The following CTNNA2 variants were observed in gnomAD, a reference collection of about 807,000 sequenced individuals.
CTNNA2 encodes the protein catenin alpha-2.
Under a neutral mutation model 101.0 loss-of-function variants are expected in CTNNA2, and 42 were observed. The observed-to-expected ratio is 0.42, with a 90% confidence interval of 0.32 to 0.54. The LOEUF (loss-of-function observed/expected upper bound fraction) is 0.54. Ranked by LOEUF, CTNNA2 falls within the 20% of genes least tolerant of loss-of-function variation. CTNNA2 has a pLI of 0.14. For missense variants in CTNNA2, 871 were observed against 1,223.1 expected, an observed-to-expected ratio of 0.71 and a Z score of 4.29; for synonymous variants, 450 against 456.4, an observed-to-expected ratio of 0.99 and a Z score of 0.18.
chr2:79,273,505 A>T (rs1243685868), intron 2 of CTNNA2, among the ~76,000 whole-genome samples: 2 of 152,034 alleles, frequency 1.3e-5, no homozygotes, highest in Non-Finnish European at 2.9e-5. Context: ...TGGTATTTCC[A>T]CTTAGAAAGT....
intron 7 of CTNNA2, among the ~76,000 whole-genome samples, chr2:80,081,828 A>G (rs1227107651): frequency 6.6e-6 from 1 of 151,914 alleles, no homozygotes; most frequent in African/African-American, 2.4e-5. Context: ...AAAACCAACA[A>G]CATAGCCAAG....
At chr2:79,571,512 A>G (rs1675458302) in intron 1 of CTNNA2, among the ~76,000 whole-genome samples, 1 of 152,124 alleles carries the variant, frequency 6.6e-6, no homozygotes, top group Non-Finnish European at 1.5e-5. Flanking sequence ...CAGCTTTTAA[A>G]CTGATATTGA....
intron 7 of CTNNA2, among the ~76,000 whole-genome samples, chr2:80,279,168 C>T (rs1430193721): frequency 6.6e-6 from 1 of 151,388 alleles, no homozygotes; most frequent in Non-Finnish European, 1.5e-5. Flanking sequence ...CCTGGAGAAA[C>T]ATTCCTGAGG....
intron 7 of CTNNA2, among the ~76,000 whole-genome samples, chr2:80,044,087 A>G (rs142370706): frequency 1.3e-5 from 2 of 152,342 alleles, no homozygotes; most frequent in African/African-American, 2.4e-5. Context: ...TCACAAAGTA[A>G]CAGGATTTCT....
rs147474979 is a variant in CTNNA2 at position 80,092,454 on chromosome 2, G to A, written c.1056+182657G>A. ...TTCCCATGTTCTCAAGCTTTCCCTT[G>A]AGAATGCGGTTTAAGAATCTGGGTG... On this transcript the variant is annotated intron_variant, in intron 7 of 18. Coordinates refer to ENST00000402739, the MANE Select transcript of CTNNA2 (RefSeq NM_001282597.3). Among the ~76,000 whole-genome samples, 414 of 152,180 alleles carry A rather than the reference G, an allele frequency of 2.7e-3. 3 individuals carry two copies. The highest frequency in any genetic ancestry group is 8.5e-3 in the African/African-American group (353 of 41,524).
intron 7 of CTNNA2, among the ~76,000 whole-genome samples, chr2:79,953,727 T>G (rs1189584976): frequency 6.6e-6 from 1 of 152,176 alleles, no homozygotes; most frequent in Non-Finnish European, 1.5e-5. Context: ...GAAACCCAGT[T>G]CTTTGGGTTA....
chr2:79,934,238 A>G (rs535645754), intron 7 of CTNNA2, among the ~76,000 whole-genome samples: 8 of 152,238 alleles, frequency 5.3e-5, no homozygotes, highest in Non-Finnish European at 1.2e-4. Context: ...AATTAAGAAG[A>G]TGAAAATCAA....
chr2:80,181,286 T>C (rs1281193278), intron 7 of CTNNA2, among the ~76,000 whole-genome samples: 5 of 152,130 alleles, frequency 3.3e-5, no homozygotes, highest in Non-Finnish European at 7.4e-5. Context: ...GAAAGGCTGA[T>C]GGCAGCATGG....
At chr2:79,947,967 A>G (rs1405197931) in intron 7 of CTNNA2, among the ~76,000 whole-genome samples, 2 of 152,234 alleles carry the variant, frequency 1.3e-5, no homozygotes, top group Non-Finnish European at 2.9e-5. Context: ...CAGATCACCT[A>G]GATGACTGAG....
chr2:80,006,885 CAA>C (rs770255019), intron 7 of CTNNA2, among the ~76,000 whole-genome samples: 28 of 152,108 alleles, frequency 1.8e-4, no homozygotes, highest in Non-Finnish European at 3.2e-4. Context: ...TAGCATCACC[CAA>C]GAGTTGAGAA....
At chr2:79,805,392 CAA>C (rs1676490749) in intron 3 of CTNNA2, among the ~76,000 whole-genome samples, 1 of 152,082 alleles carries the variant, frequency 6.6e-6, no homozygotes, top group Non-Finnish European at 1.5e-5. Context: ...GTGCGTGGAA[CAA>C]AGTTTTGACT....
At chr2:79,708,069 CA>C (rs1015032802) in intron 2 of CTNNA2, among the ~76,000 whole-genome samples, 1 of 152,160 alleles carries the variant, frequency 6.6e-6, no homozygotes. Context: ...AGTAATAAAA[CA>C]TTCTAAAAAT....
At chr2:79,382,645 G>T (rs545335836) in intron 4 of CTNNA2, among the ~76,000 whole-genome samples, 4 of 151,852 alleles carry the variant, frequency 2.6e-5, no homozygotes, top group Non-Finnish European at 5.9e-5. Flanking sequence ...GACACTCTTC[G>T]CTCTGTCGCC....
Position 80,053,525 on chromosome 2 carries a change from A to G in CTNNA2, c.1056+143728A>G, listed in dbSNP as rs138608241. The stretch of plus-strand genomic sequence containing the variant: ...ATTTGTCCTTTCTCCAGACTAAGTG[A>G]CATGGACTATGGACTAATGACGCCT... On this transcript the variant is annotated intron_variant, in intron 7 of 18. Transcript: ENST00000402739. 3.3e-5 allele frequency among the ~76,000 whole-genome samples: 5 copies of G among 152,378 alleles called. No homozygotes were observed. In the East Asian group the frequency reaches 9.6e-4, roughly 29 times the overall value.
At chr2:79,634,307 C>T (rs780261118) in intron 1 of CTNNA2, among the ~76,000 whole-genome samples, 5 of 152,110 alleles carry the variant, frequency 3.3e-5, no homozygotes, top group Non-Finnish European at 7.3e-5. Context: ...GAATGTTGAG[C>T]TCTTTAAGCT....
chr2:80,489,068 G>T (rs1686821734), intron 9 of CTNNA2, among the ~76,000 whole-genome samples: 1 of 152,108 alleles, frequency 6.6e-6, no homozygotes, highest in Non-Finnish European at 1.5e-5. Flanking sequence ...ATTTACTTCT[G>T]TCTTTGCATG....
At chr2:80,541,676 C>T (rs534682741) in intron 9 of CTNNA2, among the ~76,000 whole-genome samples, 115 of 151,978 alleles carry the variant, frequency 7.6e-4, no homozygotes, top group African/African-American at 2.7e-3. Flanking sequence ...GGAAGCTCTG[C>T]GATCTGGGGA....
chr2:79,401,377 G>A (rs1678288735), intron 4 of CTNNA2, among the ~76,000 whole-genome samples: 1 of 151,336 alleles, frequency 6.6e-6, no homozygotes, highest in South Asian at 2.1e-4. Context: ...TATTCAATAT[G>A]AGACAGCTAC....
At chr2:79,945,380 TA>T (rs1688426880) in intron 7 of CTNNA2, among the ~76,000 whole-genome samples, 1 of 152,280 alleles carries the variant, frequency 6.6e-6, no homozygotes, top group South Asian at 2.1e-4. Context: ...TTAAAGGTAA[TA>T]ATACTCCTTG....
Sources: allele counts gnomAD v4.1 joint callset (sites outside exome capture counted in the v4.1 genomes callset), GRCh38; gene constraint gnomAD v4.1.1; transcripts MANE v1.5; gene names NCBI Gene and HGNC (gene_info 2026-07-23, HGNC 2026-07-21).